PPM1A: variants seen among roughly 807,000 people sequenced by gnomAD.
PPM1A encodes protein phosphatase 1A.
PPM1A carries 7 observed loss-of-function variants against 35.0 expected under a neutral mutation model. The ratio of observed to expected loss-of-function variants is 0.20; its 90% CI spans 0.11 to 0.38. PPM1A has a LOEUF of 0.38. Among genes scored for constraint, PPM1A ranks in the 10% least tolerant of loss-of-function variants. PPM1A has a pLI of 1.00. For missense variants in PPM1A, 239 were observed against 467.8 expected, an observed-to-expected ratio of 0.51 and a Z score of 4.51; for synonymous variants, 153 against 167.3, an observed-to-expected ratio of 0.91 and a Z score of 0.66.
rs779053740 is a variant in PPM1A at position 60,292,406 on chromosome 14, A to C, written c.1120-47A>C. ...TCCAGAAAGTATGGTGTATTTTGGC[A>C]CCGCTAAATTTTAACGTTGTTCCTT... On this transcript the variant is annotated intron_variant, in intron 5 of 5. Coordinates refer to ENST00000395076, the MANE Select transcript of PPM1A (RefSeq NM_021003.5). This position sits in a 1 kb window ranked among gnomAD's most constrained non-coding sequence, Gnocchi z 4.2. The C allele has an allele frequency of 6.9e-7, 1 of 1,445,170 alleles. No homozygotes were observed. The highest frequency in any genetic ancestry group is 1.2e-5 in the South Asian group (1 of 86,948). 89.5% of individuals were successfully genotyped at this position (1,445,170 alleles called of 1,614,324 possible). A position where few individuals can be genotyped will look rare whatever the true frequency, so the allele number is the denominator to read the frequency against.
rs17097235 is a variant in PPM1A at position 60,259,008 on chromosome 14, C to T, written c.-21+9331C>T. On this transcript the variant is annotated intron_variant, in intron 1 of 5. Transcript: ENST00000395076. ...CAGTAGTTGAGAAGTTCATTTTGGG[C>T]CATGCGATTTGAGGTGTGGCTATTC... Among the ~76,000 whole-genome samples the T allele has an allele frequency of 3.7e-3, 557 of 152,132 alleles. 2 individuals are homozygous for T. The highest frequency in any genetic ancestry group is 0.012 in the African/African-American group (517 of 41,534).
intron 1 of PPM1A, among the ~76,000 whole-genome samples, chr14:60,274,293 A>T (rs1885493693): frequency 1.3e-5 from 2 of 152,136 alleles, no homozygotes; most frequent in South Asian, 4.1e-4. Context: ...CCCTTAGATT[A>T]AGTGACTTGG....
chr14:60,270,865 C>A (rs1413003832), intron 1 of PPM1A, among the ~76,000 whole-genome samples: 1 of 152,154 alleles, frequency 6.6e-6, no homozygotes, highest in Non-Finnish European at 1.5e-5. Flanking sequence ...ACATTTTCAT[C>A]TTTACAAGTT....
chr14:60,250,543 G>T (rs536687450), intron 1 of PPM1A: 1 of 587,224 alleles, frequency 1.7e-6, no homozygotes, highest in African/African-American at 2.0e-5. Context: ...TGCTTCAGTT[G>T]TCCAAGCCAT....
intron 1 of PPM1A, among the ~76,000 whole-genome samples, chr14:60,250,741 C>G (rs1882300812): frequency 6.6e-6 from 1 of 152,204 alleles, no homozygotes; most frequent in Admixed American, 6.5e-5. Flanking sequence ...TCTTTTCAAA[C>G]TTGCACGTTG....
intron 3 of PPM1A, chr14:60,288,182 A>G (rs776290809): frequency 2.2e-5 from 22 of 984,978 alleles, no homozygotes; most frequent in Non-Finnish European, 2.7e-5. Flanking sequence ...AAAGCTTTAC[A>G]TTATTTTTTT....
chr14:60,291,849 C>T (rs1319810225), intron 5 of PPM1A, among the ~76,000 whole-genome samples: 1 of 148,764 alleles, frequency 6.7e-6, no homozygotes, highest in Non-Finnish European at 1.5e-5. Context: ...TTCGGAATGT[C>T]TGTCTCAACT....
At chr14:60,272,812 C>T (rs929905738) in intron 1 of PPM1A, among the ~76,000 whole-genome samples, 1 of 151,210 alleles carries the variant, frequency 6.6e-6, no homozygotes, top group African/African-American at 2.4e-5. Context: ...AACCTTTACT[C>T]TTAGAACTTG....
chr14:60,259,370 A>G (rs1049289238), intron 1 of PPM1A, among the ~76,000 whole-genome samples: 1 of 152,102 alleles, frequency 6.6e-6, no homozygotes, highest in African/African-American at 2.4e-5. Flanking sequence ...CAACTTAAGT[A>G]TACAAGGTTA....
chr14:60,287,543 G>T (rs778021729), intron 3 of PPM1A: 232 of 985,214 alleles, frequency 2.4e-4, no homozygotes, highest in Non-Finnish European at 2.7e-4. Context: ...GCAGGCACCT[G>T]AATGCCTTTT....
At chr14:60,277,386 G>A (rs976480433) in intron 1 of PPM1A, 1 of 151,458 alleles carries the variant, frequency 6.6e-6, no homozygotes, top group African/African-American at 2.4e-5. Flanking sequence ...TATATTGCCT[G>A]TTTTCAGTAT....
At position 60,285,761 on chromosome 14, in the gene PPM1A, A is replaced by C. The variant is rs1886943604; in HGVS notation, c.952+20A>C. The C allele has an allele frequency of 1.2e-6, 2 of 1,600,694 alleles. No homozygotes were observed. Among genetic ancestry groups the C allele is most frequent in the Non-Finnish European group, 1.7e-6 (2 of 1,176,334 alleles). On this transcript the variant is annotated intron_variant, in intron 3 of 5. Coordinates refer to ENST00000395076, the MANE Select transcript of PPM1A (RefSeq NM_021003.5). ...TAGAAGGTGGATCATTTAACAAAAA[A>C]TAAGTAGCTTTATTAAAGAAAAATC...
chr14:60,285,474 A>G, intron 2 of PPM1A, 150 bp from the exon 3 acceptor site: 1 of 708,680 alleles, frequency 1.4e-6, no homozygotes, highest in Non-Finnish European at 2.2e-6. Context: ...ACACACACGC[A>G]CGCATGCGTG....
chr14:60,280,274 G>A (rs964181302), intron 1 of PPM1A, among the ~76,000 whole-genome samples: 2 of 152,208 alleles, frequency 1.3e-5, no homozygotes, highest in Admixed American at 6.5e-5. Context: ...AAAGTGCTGG[G>A]ATTACAGGCG....
chr14:60,255,169 T>G (rs138927417), intron 1 of PPM1A, among the ~76,000 whole-genome samples: 1,202 of 106,842 alleles, frequency 0.011, 28 homozygotes, highest in Middle Eastern at 0.032. Context: ...GTTTTTTTTT[T>G]TTTTGTTTTG....
chr14:60,288,197 G>C, intron 3 of PPM1A: 1 of 983,910 alleles, frequency 1.0e-6, no homozygotes, highest in Non-Finnish European at 1.2e-6. Flanking sequence ...TTTTTTACAA[G>C]AATTTGTTTT....
chr14:60,286,610 G>T (rs994301487), intron 3 of PPM1A: 4 of 985,120 alleles, frequency 4.1e-6, no homozygotes, highest in Non-Finnish European at 4.8e-6. Context: ...ACCTCTAATC[G>T]CATGCAAGCA....
Position 60,297,154 on chromosome 14 carries a change from C to T in PPM1A, c.*4672C>T, listed in dbSNP as rs1888119350. On this transcript the variant is annotated 3_prime_UTR_variant, in exon 6 of 6. Coordinates refer to ENST00000395076, the MANE Select transcript of PPM1A (RefSeq NM_021003.5). ...TTTTCAAACAGAAACAGGCCAATTC[C>T]ATTTTCTTGAGCAAGAAAGCTTAGT... 6.6e-6 allele frequency: 1 copy of T among 151,524 alleles called. No individual in the cohort carries two copies. Among genetic ancestry groups the T allele is most frequent in the Admixed American group, 6.6e-5 (1 of 15,170 alleles). 9.4% of individuals were successfully genotyped at this position (151,524 alleles called of 1,614,324 possible).
intron 1 of PPM1A, among the ~76,000 whole-genome samples, chr14:60,255,396 C>T (rs936924778): frequency 6.6e-6 from 1 of 151,980 alleles, no homozygotes. Flanking sequence ...TGGTCTCGAT[C>T]TCCTGACCTC....
Sources: allele counts gnomAD v4.1 joint callset (sites outside exome capture counted in the v4.1 genomes callset), GRCh38; gene constraint gnomAD v4.1.1; non-coding constraint Gnocchi (gnomAD v3.1); transcripts MANE v1.5; gene names NCBI Gene and HGNC (gene_info 2026-07-23, HGNC 2026-07-21).